HECW1: variants seen among roughly 807,000 people sequenced by gnomAD.
The protein encoded by HECW1 is HECT, C2 and WW domain containing E3 ubiquitin protein ligase 1, also known as E3 ubiquitin-protein ligase HECW1.
Under a neutral mutation model 182.3 loss-of-function variants are expected in HECW1, and 61 were observed. The ratio of observed to expected loss-of-function variants is 0.33; its 90% CI spans 0.27 to 0.41. The LOEUF (loss-of-function observed/expected upper bound fraction) is 0.41, where lower values mean the gene tolerates loss of function less well. HECW1 is among the 10% of genes least tolerant of loss of function. The probability of loss-of-function intolerance (pLI) is 1.00; values close to 1 mark genes in which losing one functional copy is unlikely to be tolerated. For missense variants in HECW1, 1,739 were observed against 2,108.9 expected (o/e 0.82, Z 3.44); for synonymous variants, 859 against 832.6 (o/e 1.03, Z -0.55).
chr7:43,131,097 C>T (rs1257948140), intron 2 of HECW1, among the ~76,000 whole-genome samples: 13 of 152,104 alleles, frequency 8.5e-5, no homozygotes, highest in Non-Finnish European at 7.4e-5. Flanking sequence ...GAAACCCCAT[C>T]TGTACTAAAA....
In HECW1 at chr7:43,468,902, C is replaced by T. The variant is rs564078273; in HGVS notation, c.2914-18C>T. ...CTAATTCCCCACTCCTTACCCCGTC[C>T]GCCCTGACCTGTCTCAGAGTGCCTA... On this transcript the variant is annotated intron_variant, in intron 15 of 29. Coordinates refer to ENST00000395891, the MANE Select transcript of HECW1 (RefSeq NM_015052.5). The T allele has an allele frequency of 3.0e-5, 49 of 1,613,258 alleles. No individual in the cohort carries two copies. In the South Asian group the frequency reaches 4.7e-4, roughly 16 times the overall value.
At chr7:43,473,751 C>T (rs2078112374) in intron 16 of HECW1, among the ~76,000 whole-genome samples, 1 of 152,014 alleles carries the variant, frequency 6.6e-6, no homozygotes. Context: ...GGTAATCTGA[C>T]AAGCTTAAAA....
At chr7:43,369,987 A>C (rs71540529) in intron 6 of HECW1, among the ~76,000 whole-genome samples, 24,861 of 152,262 alleles carry the variant, frequency 0.16, 2,703 homozygotes, top group Non-Finnish European at 0.24. Context: ...ATGGGCCAGA[A>C]CCTAAAGTCA....
chr7:43,438,189 A>G lies in HECW1; in HGVS notation c.944+44A>G, dbSNP rs1268499537. On this transcript the variant is annotated intron_variant, in intron 9 of 29. Transcript: ENST00000395891. ...TCTTACTATCACTAGGTTCCCACCA[A>G]CAGGTCGTGCCCAAAGGTGGCCTGT... 1.9e-6 allele frequency: 3 copies of G among 1,587,798 alleles called. No individual in the cohort carries two copies. In the African/African-American group the frequency reaches 4.0e-5, roughly 21 times the overall value.
intron 2 of HECW1, among the ~76,000 whole-genome samples, chr7:43,125,727 C>T (rs1786147115): frequency 7.7e-6 from 1 of 129,702 alleles, no homozygotes; most frequent in Non-Finnish European, 1.5e-5. Context: ...CACTGCACTC[C>T]AGCCTGGGTG....
intron 3 of HECW1, among the ~76,000 whole-genome samples, chr7:43,272,945 T>C (rs574228526): frequency 5.1e-4 from 78 of 152,170 alleles, no homozygotes; most frequent in Non-Finnish European, 9.3e-4. Context: ...GTGGACTGAA[T>C]AAAGAAAATG....
chr7:43,488,399 GAAAT>G (rs1159285986), intron 17 of HECW1, among the ~76,000 whole-genome samples: 8 of 67,612 alleles, frequency 1.2e-4, no homozygotes, highest in African/African-American at 5.1e-4. Context: ...AGGAAGGAAG[GAAAT>G]GAAAGAAAGA....
chr7:43,314,488 A>T (rs998649404), intron 4 of HECW1, among the ~76,000 whole-genome samples: 7 of 152,106 alleles, frequency 4.6e-5, no homozygotes, highest in Non-Finnish European at 8.8e-5. Flanking sequence ...GGGGCAGGAT[A>T]ACCAGGAGAC....
chr7:43,388,368 G>A (rs2074884517), intron 6 of HECW1, among the ~76,000 whole-genome samples: 1 of 152,160 alleles, frequency 6.6e-6, no homozygotes, highest in South Asian at 2.1e-4. Flanking sequence ...AAGCTTCCAG[G>A]GAGCCAGGTC....
At chr7:43,180,481 C>T (rs954374595) in intron 2 of HECW1, among the ~76,000 whole-genome samples, 8 of 152,046 alleles carry the variant, frequency 5.3e-5, no homozygotes, top group African/African-American at 1.9e-4. Context: ...CTGCAAGCTC[C>T]ACCCACTGGG....
intron 2 of HECW1, among the ~76,000 whole-genome samples, chr7:43,179,255 G>A (rs1792559360): frequency 1.3e-5 from 2 of 152,228 alleles, no homozygotes; most frequent in African/African-American, 4.8e-5. Flanking sequence ...GAATCGAGCT[G>A]TATTATTTGT....
At chr7:43,446,447 T>C (rs1055450802) in intron 11 of HECW1, among the ~76,000 whole-genome samples, 29 of 152,178 alleles carry the variant, frequency 1.9e-4, no homozygotes, top group African/African-American at 6.5e-4. Flanking sequence ...TATGAAATAA[T>C]TCAGTTGTTT....
At chr7:43,548,887 A>G (rs1443731067) in intron 26 of HECW1, among the ~76,000 whole-genome samples, 1 of 152,172 alleles carries the variant, frequency 6.6e-6, no homozygotes, top group Non-Finnish European at 1.5e-5. Flanking sequence ...GAGGTTGCAG[A>G]GAGCTGAGAT....
At chr7:43,341,804 T>C (rs1349570783) in intron 5 of HECW1, among the ~76,000 whole-genome samples, 1 of 151,824 alleles carries the variant, frequency 6.6e-6, no homozygotes, top group African/African-American at 2.4e-5. Flanking sequence ...TGTATCAAAT[T>C]ATAAAATTTT....
chr7:43,258,846 A>T (rs1346893949), intron 3 of HECW1: 1 of 152,188 alleles, frequency 6.6e-6, no homozygotes, highest in Non-Finnish European at 1.5e-5. Context: ...TACATTGCTG[A>T]TGGTAGGGAA....
Position 43,482,033 on chromosome 7 carries a change from G to C in HECW1, c.3234+2289G>C, listed in dbSNP as rs574356035. Among the ~76,000 whole-genome samples the C allele has an allele frequency of 4.0e-5, 6 of 150,654 alleles. No homozygotes were observed. The East Asian group carries it at 1.2e-3, about 29-fold the overall frequency. On this transcript the variant is annotated intron_variant, in intron 17 of 29. Coordinates refer to ENST00000395891, the MANE Select transcript of HECW1 (RefSeq NM_015052.5). ...ACTCTAACACATATGATGAAAGGGCGTTGCTGTGTACCAGCCATCTGTCTG... is the reference window on the plus strand; with the variant it reads ...ACTCTAACACATATGATGAAAGGGCCTTGCTGTGTACCAGCCATCTGTCTG...
intron 12 of HECW1, among the ~76,000 whole-genome samples, chr7:43,453,169 A>G (rs1373484617): frequency 6.6e-6 from 1 of 152,194 alleles, no homozygotes; most frequent in Non-Finnish European, 1.5e-5. Flanking sequence ...TGTGTAGGGA[A>G]TAAATTGGGA....
At chr7:43,362,245 G>A (rs778486298) in intron 6 of HECW1, among the ~76,000 whole-genome samples, 7 of 151,844 alleles carry the variant, frequency 4.6e-5, no homozygotes, top group Non-Finnish European at 1.0e-4. Flanking sequence ...TTGCAAATCA[G>A]TTCTGCAGCA....
At chr7:43,438,617 G>C (rs1183520526) in intron 9 of HECW1, 1 of 152,220 alleles carries the variant, frequency 6.6e-6, no homozygotes, top group Non-Finnish European at 1.5e-5. Flanking sequence ...AGATAACATG[G>C]ATAAGAATTT....
Sources: gnomAD v4.1 joint callset for allele counts (sites outside exome capture counted in the v4.1 genomes callset) on GRCh38, gnomAD v4.1.1 for gene constraint, MANE v1.5 for transcripts, NCBI Gene and HGNC (gene_info 2026-07-23, HGNC 2026-07-21) for gene names.